The following PCNX1 variants were observed in gnomAD, a reference collection of about 807,000 sequenced individuals.
PCNX1 encodes pecanex-like protein 1.
PCNX1 carries 78 observed loss-of-function variants against 242.2 expected under a neutral mutation model. That is an observed-to-expected ratio of 0.32 (90% CI 0.27 to 0.39). The LOEUF (loss-of-function observed/expected upper bound fraction) is 0.39, where lower values mean the gene tolerates loss of function less well. PCNX1 is among the 10% of genes least tolerant of loss of function. PCNX1 has a pLI of 1.00. For synonymous variants in PCNX1, 1,024 were observed against 1,032.9 expected (o/e 0.99, Z 0.17); for missense variants, 2,581 against 2,856.5 (o/e 0.90, Z 2.20).
intron 5 of PCNX1, among the ~76,000 whole-genome samples, chr14:70,970,224 G>T (rs1280173897): frequency 6.6e-6 from 1 of 151,754 alleles, no homozygotes; most frequent in Non-Finnish European, 1.5e-5. Flanking sequence ...AATTTACCCG[G>T]GCATGATGGT....
At chr14:70,957,802 G>T (rs1382150217) in intron 2 of PCNX1, among the ~76,000 whole-genome samples, 2 of 151,338 alleles carry the variant, frequency 1.3e-5, no homozygotes, top group East Asian at 1.9e-4. Flanking sequence ...TGACATATGT[G>T]TATGTATATG....
At chr14:70,910,420 T>C (rs998466172) in intron 1 of PCNX1, among the ~76,000 whole-genome samples, 3 of 151,722 alleles carry the variant, frequency 2.0e-5, no homozygotes, top group African/African-American at 4.8e-5. Context: ...CCCTCTCCTG[T>C]GTCTCTCTTG....
intron 8 of PCNX1, among the ~76,000 whole-genome samples, chr14:71,001,683 TA>T (rs1233450988): frequency 2.6e-5 from 4 of 152,226 alleles, no homozygotes; most frequent in African/African-American, 9.6e-5. Context: ...CTTAAGATTC[TA>T]AATTAAAGCT....
At chr14:71,100,002 C>CT (rs901711580) in intron 30 of PCNX1, among the ~76,000 whole-genome samples, 35 of 148,656 alleles carry the variant, frequency 2.4e-4, no homozygotes, top group Admixed American at 5.4e-4. Context: ...ACAAATGGAT[C>CT]TTTTTTTTTT....
chr14:71,061,387 T>C (rs2061322013), intron 26 of PCNX1, among the ~76,000 whole-genome samples: 1 of 152,188 alleles, frequency 6.6e-6, no homozygotes, highest in South Asian at 2.1e-4. Context: ...GAGAATAACA[T>C]ACCATTCAAG....
At chr14:70,964,169 C>T (rs1342489186) in intron 3 of PCNX1, among the ~76,000 whole-genome samples, 2 of 152,146 alleles carry the variant, frequency 1.3e-5, no homozygotes, top group Non-Finnish European at 2.9e-5. Flanking sequence ...CAGGTTCAAG[C>T]TGTTCTCGTG....
At chr14:71,022,664 T>A (rs75236380) in intron 12 of PCNX1, among the ~76,000 whole-genome samples, 2,597 of 152,158 alleles carry the variant, frequency 0.017, 30 homozygotes, top group Non-Finnish European at 0.023. Context: ...GTTAATAAAA[T>A]CTCTTAAAAG....
rs557126947 is a variant in PCNX1 at position 70,982,066 on chromosome 14, TAAAG to T, written c.2311+3422_2311+3425del. On this transcript the variant is annotated intron_variant, in intron 6 of 35. Coordinates refer to ENST00000304743, the MANE Select transcript of PCNX1 (RefSeq NM_014982.3). ...AATAATCTTCAAAGAAACAATTATT[TAAAG>T]AAAAGTCAGATCTTTTCAATAAAAA... Among the ~76,000 whole-genome samples the T allele has an allele frequency of 3.6e-3, 551 of 152,334 alleles. 1 individual carries two copies. Among genetic ancestry groups the T allele is most frequent in the African/African-American group, 0.013 (534 of 41,576 alleles).
intron 22 of PCNX1, among the ~76,000 whole-genome samples, 181 bp from the exon 23 acceptor site, chr14:71,050,471 T>C (rs61990408): frequency 0.014 from 2,167 of 152,302 alleles, 24 homozygotes; most frequent in Middle Eastern, 0.034. Context: ...TACTCAGAAA[T>C]AAGTGCAGTG....
rs151209293 is a variant in PCNX1, at chr14:70,986,365, T to C, written c.2312-2202T>C. Among the ~76,000 whole-genome samples the C allele has an allele frequency of 4.7e-3, 710 of 152,328 alleles. 4 individuals carry two copies. Among genetic ancestry groups the C allele is most frequent in the African/African-American group, 0.016 (668 of 41,578 alleles). ...TGCCTAAACTTTCCTCTTGATGTGT[T>C]TCCAAGACTGTTAAGAAAGTAAGTG... is the stretch of plus-strand genomic sequence containing the variant. On this transcript the variant is annotated intron_variant, in intron 6 of 35. Transcript: ENST00000304743.
intron 1 of PCNX1, among the ~76,000 whole-genome samples, chr14:70,941,861 C>G (rs111392439): frequency 6.6e-6 from 1 of 152,180 alleles, no homozygotes; most frequent in African/African-American, 2.4e-5. Context: ...TCACTGCTGC[C>G]TTGCAGTTTG....
At chr14:71,109,692 T>C in intron 35 of PCNX1, 100 bp downstream of exon 35, 1 of 1,574,176 alleles carries the variant, frequency 6.4e-7, no homozygotes, top group Non-Finnish European at 8.7e-7. Context: ...AAACGTATAA[T>C]TTTCAGACAA....
chr14:70,952,543 C>T (rs922276934), intron 2 of PCNX1, among the ~76,000 whole-genome samples: 1 of 152,074 alleles, frequency 6.6e-6, no homozygotes, highest in Non-Finnish European at 1.5e-5. Context: ...TTTAGGACAT[C>T]CTAAGAGAAT....
rs572025305 is a variant in PCNX1, at chr14:70,963,733, A to G, written c.468+1402A>G. On this transcript the variant is annotated intron_variant, in intron 3 of 35. Coordinates refer to ENST00000304743, the MANE Select transcript of PCNX1 (RefSeq NM_014982.3). ...TCTTTCTGTATCGTTACTACATAGCATCACTTTCTTTTTTTAACCTTGGCC... is the reference window on the plus strand; with the variant it reads ...TCTTTCTGTATCGTTACTACATAGCGTCACTTTCTTTTTTTAACCTTGGCC... Among the ~76,000 whole-genome samples the G allele has an allele frequency of 2.6e-5, 4 of 152,342 alleles. No individual in the cohort carries two copies. The East Asian group carries it at 7.7e-4, about 29-fold the overall frequency.
At chr14:70,995,953 A>G in intron 8 of PCNX1, 28 bp downstream of exon 8, 1 of 1,569,154 alleles carries the variant, frequency 6.4e-7, no homozygotes, top group East Asian at 2.2e-5. Context: ...AATCTTGATG[A>G]TACAAAAACT....
At chr14:71,108,152 G>T (rs1306120984) in intron 33 of PCNX1, among the ~76,000 whole-genome samples, 1 of 152,060 alleles carries the variant, frequency 6.6e-6, no homozygotes, top group Non-Finnish European at 1.5e-5. Context: ...TGTGAGTTCG[G>T]GGTTTTCAGA....
At chr14:70,952,610 T>C (rs1355151793) in intron 2 of PCNX1, among the ~76,000 whole-genome samples, 1 of 152,208 alleles carries the variant, frequency 6.6e-6, no homozygotes, top group Non-Finnish European at 1.5e-5. Context: ...TATTATACTT[T>C]ATTGACTCAC....
At chr14:71,007,325 A>C (rs981638594) in intron 8 of PCNX1, among the ~76,000 whole-genome samples, 3 of 152,228 alleles carry the variant, frequency 2.0e-5, no homozygotes, top group Middle Eastern at 3.4e-3. Flanking sequence ...GTTTCATTTG[A>C]AAATTACAAA....
intron 31 of PCNX1, among the ~76,000 whole-genome samples, 187 bp from the exon 32 acceptor site, chr14:71,103,208 A>G (rs772643143): frequency 1.1e-4 from 17 of 152,076 alleles, no homozygotes; most frequent in Admixed American, 2.0e-4. Context: ...CTTATTATTT[A>G]GCAACCTGCT....
Sources: gnomAD v4.1 joint callset for allele counts (sites outside exome capture counted in the v4.1 genomes callset) on GRCh38, gnomAD v4.1.1 for gene constraint, MANE v1.5 for transcripts, NCBI Gene and HGNC (gene_info 2026-07-23, HGNC 2026-07-21) for gene names.